Variants in SLC35F4 observed in about 807,000 individuals in gnomAD.
SLC35F4 encodes chromosome 14 open reading frame 36.
SLC35F4 carries 24 observed loss-of-function variants against 44.2 expected under a neutral mutation model. The observed-to-expected ratio is 0.54, with a 90% confidence interval of 0.39 to 0.76. The LOEUF is 0.76. Among genes scored for constraint, SLC35F4 ranks in the 30% least tolerant of loss-of-function variants. The pLI, the probability that SLC35F4 is intolerant of heterozygous loss-of-function variation, is 0.00. For synonymous variants in SLC35F4, 238 were observed against 223.6 expected, an observed-to-expected ratio of 1.06 and a Z score of -0.57; for missense variants, 562 against 586.1, an observed-to-expected ratio of 0.96 and a Z score of 0.42.
At chr14:57,907,652 A>G (rs982316575) in intron 1 of SLC35F4, among the ~76,000 whole-genome samples, 7 of 152,138 alleles carry the variant, frequency 4.6e-5, no homozygotes, top group South Asian at 2.1e-4. Context: ...GTTCTTTTGT[A>G]TACATCTTTG....
upstream of SLC35F4, among the ~76,000 whole-genome samples, chr14:57,866,439 T>C (rs1419775683): frequency 6.6e-6 from 1 of 152,106 alleles, no homozygotes; most frequent in Non-Finnish European, 1.5e-5. Context: ...ATGCAAGCAT[T>C]CCCCCGCGTT....
intron 1 of SLC35F4, among the ~76,000 whole-genome samples, chr14:57,936,651 C>T (rs1889801790): frequency 1.3e-5 from 2 of 152,220 alleles, no homozygotes; most frequent in Admixed American, 6.5e-5. Context: ...GGACAATCCC[C>T]TACAATAAAG....
intron 1 of SLC35F4, among the ~76,000 whole-genome samples, chr14:57,954,809 C>G (rs1890206308): frequency 6.6e-6 from 1 of 151,808 alleles, no homozygotes; most frequent in Admixed American, 6.6e-5. Flanking sequence ...AAAAAAAGCC[C>G]AGGACCAGAC....
At chr14:57,768,808 A>G (rs2077293490) in intron 1 of SLC35F4, among the ~76,000 whole-genome samples, 1 of 151,852 alleles carries the variant, frequency 6.6e-6, no homozygotes, top group Non-Finnish European at 1.5e-5. Flanking sequence ...GCTAGAGCGC[A>G]GTAGCGCAAT....
At chr14:57,595,452 C>T (rs1338981959) in intron 1 of SLC35F4, among the ~76,000 whole-genome samples, 2 of 152,102 alleles carry the variant, frequency 1.3e-5, no homozygotes, top group African/African-American at 4.8e-5. Flanking sequence ...CTCTCTTCTT[C>T]GGTAGCCAGT....
At chr14:57,572,867 A>G (rs2068585495) in intron 4 of SLC35F4, among the ~76,000 whole-genome samples, 1 of 152,248 alleles carries the variant, frequency 6.6e-6, no homozygotes, top group African/African-American at 2.4e-5. Context: ...AAAGCAGTTC[A>G]GAGCTATAGC....
chr14:57,689,086 C>T (rs183115420), intron 1 of SLC35F4, among the ~76,000 whole-genome samples: 8 of 152,210 alleles, frequency 5.3e-5, no homozygotes, highest in Admixed American at 4.6e-4. Flanking sequence ...TTTTCTCTAT[C>T]CTCTCTTTCT....
In SLC35F4 at chr14:57,566,536, C is replaced by A; in HGVS notation, c.1155G>T (p.Val385=). Residue 385 remains valine, a synonymous_variant, in exon 7 of 8, where the codon GTG becomes GTT. Transcript: ENST00000556826. ...AGATTAGGATTGGGTATGTCAGCACCACCCCAACATTCACCAGGATGTTGA... is the reference window on the plus strand; with the variant it reads ...AGATTAGGATTGGGTATGTCAGCACAACCCCAACATTCACCAGGATGTTGA... ...LAFNILVNVG[V]VLTYPILISI... 6.2e-7 allele frequency: 1 copy of A among 1,602,390 alleles called. No homozygotes were observed. Among genetic ancestry groups the A allele is most frequent in the Non-Finnish European group, 8.5e-7 (1 of 1,174,614 alleles).
chr14:57,564,167 C>G lies in SLC35F4; in HGVS notation c.1426G>C (p.Ala476Pro). ...AGTGGTATAGACACTGTCCCATTGGCTCTGCCTCTGCCCCGCAGGTGTATG... is the reference window on the plus strand; with the variant it reads ...AGTGGTATAGACACTGTCCCATTGGGTCTGCCTCTGCCCCGCAGGTGTATG... ...PSIHLRGRGRANGTVSIPLA is the reference protein window; with the variant it reads ...PSIHLRGRGRPNGTVSIPLA Residue 476 changes from alanine to proline, a missense_variant, in exon 8 of 8, where the codon GCC becomes CCC. Coordinates refer to ENST00000556826, the MANE Select transcript of SLC35F4 (RefSeq NM_001306087.2). 6.2e-7 allele frequency: 1 copy of G among 1,613,746 alleles called. No homozygotes were observed. The highest frequency in any genetic ancestry group is 8.5e-7 in the Non-Finnish European group (1 of 1,179,822).
At chr14:57,864,935 C>A (rs1416019425) in intron 1 of SLC35F4, among the ~76,000 whole-genome samples, 1 of 152,196 alleles carries the variant, frequency 6.6e-6, no homozygotes, top group African/African-American at 2.4e-5. Context: ...CCTCATCGCC[C>A]TCCCACCAAA....
chr14:57,603,989 G>T (rs997003724), intron 1 of SLC35F4: 5 of 152,186 alleles, frequency 3.3e-5, no homozygotes, highest in Non-Finnish European at 5.9e-5. Flanking sequence ...GAGCATTTAG[G>T]AAAATTTTCT....
intron 1 of SLC35F4, among the ~76,000 whole-genome samples, chr14:57,828,954 C>T (rs148182263): frequency 7.9e-4 from 120 of 152,342 alleles, no homozygotes; most frequent in African/African-American, 2.7e-3. Context: ...TGCTTTTAAA[C>T]AGCCATGCTC....
chr14:57,875,872 T>C (rs1888390388), intron 1 of SLC35F4, among the ~76,000 whole-genome samples: 1 of 152,216 alleles, frequency 6.6e-6, no homozygotes, highest in Non-Finnish European at 1.5e-5. Context: ...TCAATGCCAA[T>C]GTTGTTAAGC....
intron 1 of SLC35F4, among the ~76,000 whole-genome samples, chr14:57,888,156 AG>A (rs1390134074): frequency 6.6e-6 from 1 of 152,198 alleles, no homozygotes; most frequent in African/African-American, 2.4e-5. Context: ...GTTTATACCA[AG>A]AAGAACCTCA....
chr14:57,619,402 G>T (rs1373892227), intron 1 of SLC35F4, among the ~76,000 whole-genome samples: 1 of 152,170 alleles, frequency 6.6e-6, no homozygotes, highest in Non-Finnish European at 1.5e-5. Flanking sequence ...GGCAAAAAAG[G>T]TCTGGAGTGG....
At chr14:57,694,734 G>C (rs927136880) in intron 1 of SLC35F4, among the ~76,000 whole-genome samples, 2 of 151,948 alleles carry the variant, frequency 1.3e-5, no homozygotes, top group Non-Finnish European at 2.9e-5. Flanking sequence ...ATATTTTACA[G>C]TTTTCTGTAT....
chr14:57,627,621 G>A (rs2072541391), intron 1 of SLC35F4, among the ~76,000 whole-genome samples: 1 of 151,998 alleles, frequency 6.6e-6, no homozygotes, highest in Admixed American at 6.6e-5. Flanking sequence ...CAGTCTCTTA[G>A]ATGAACCCAA....
chr14:57,858,933 T>TAAA (rs112008222), intron 1 of SLC35F4, among the ~76,000 whole-genome samples: 1 of 118,418 alleles, frequency 8.4e-6, no homozygotes, highest in Admixed American at 8.5e-5. Context: ...ACCTGATCTC[T>TAAA]AAAAAAAAAA....
intron 1 of SLC35F4, among the ~76,000 whole-genome samples, chr14:57,934,888 C>A (rs1477679704): frequency 6.6e-6 from 1 of 152,162 alleles, no homozygotes; most frequent in Non-Finnish European, 1.5e-5. Context: ...AGCATGTCAG[C>A]TTTATTACTG....
Sources: allele counts gnomAD v4.1 joint callset (sites outside exome capture counted in the v4.1 genomes callset), GRCh38; gene constraint gnomAD v4.1.1; transcripts MANE v1.5; gene names NCBI Gene and HGNC (gene_info 2026-07-23, HGNC 2026-07-21).